PRH1: variants seen among roughly 807,000 people sequenced by gnomAD.
The protein encoded by PRH1 is proline rich protein HaeIII subfamily 1.
In PRH1, 7 loss-of-function variants were observed where a neutral mutation model predicts 7.9. The ratio of observed to expected loss-of-function variants is 0.89; its 90% CI spans 0.50 to 1.67. PRH1 has a LOEUF of 1.67. PRH1 is among the 40% of genes most tolerant of loss of function. The pLI, the probability that PRH1 is intolerant of heterozygous loss-of-function variation, is 0.00. For missense variants in PRH1, 109 were observed against 223.6 expected, an observed-to-expected ratio of 0.49 and a Z score of 3.27; for synonymous variants, 45 against 80.8, an observed-to-expected ratio of 0.56 and a Z score of 2.38.
rs558806762 is a variant in PRH1, at chr12:10,882,211, T to C, written c.*18+6A>G. ...GCCTTTGATGGATAATAAACTGGAA[T>C]CGTACCTGTCATTGAATCCTAGATT... On this transcript the variant is annotated splice_donor_region_variant and intron_variant, in intron 3 of 3. Transcript: ENST00000543626. 4 of 1,613,438 alleles carry C rather than the reference T, an allele frequency of 2.5e-6. No homozygotes were observed. Among genetic ancestry groups the C allele is most frequent in the Admixed American group, 3.3e-5 (2 of 59,992 alleles).
intron 1 of PRH1, among the ~76,000 whole-genome samples, chr12:11,075,661 G>T (rs1380135741): frequency 8.5e-6 from 1 of 117,000 alleles, no homozygotes; most frequent in African/African-American, 2.9e-5. Flanking sequence ...ATTCCACCTT[G>T]TCTCTACTTC....
intron 2 of PRH1, among the ~76,000 whole-genome samples, chr12:10,966,727 T>G (rs1938516813): frequency 6.6e-6 from 1 of 152,176 alleles, no homozygotes; most frequent in Admixed American, 6.5e-5. Context: ...AAACCAAGCG[T>G]GTGGGAAATA....
At chr12:11,122,654 C>G (rs1417035188) in intron 1 of PRH1, among the ~76,000 whole-genome samples, 1 of 152,408 alleles carries the variant, frequency 6.6e-6, no homozygotes, top group Non-Finnish European at 1.5e-5. Context: ...AAAGTTGCAA[C>G]TAAAATCAGA....
chr12:11,092,733 A>T (rs1264002096), intron 1 of PRH1, among the ~76,000 whole-genome samples: 1 of 115,920 alleles, frequency 8.6e-6, no homozygotes, highest in East Asian at 2.1e-4. Context: ...CACAAGATTC[A>T]GGAAGTATAG....
At chr12:11,094,305 A>AAAAAAAC (rs1945022236) in intron 1 of PRH1, among the ~76,000 whole-genome samples, 1 of 106,458 alleles carries the variant, frequency 9.4e-6, no homozygotes, top group East Asian at 2.2e-4. Flanking sequence ...CTGTCAAAAA[A>AAAAAAAC]AAAAAAAAAA....
intron 1 of PRH1, among the ~76,000 whole-genome samples, chr12:10,993,189 G>A (rs1940026619): frequency 6.6e-6 from 1 of 152,174 alleles, no homozygotes; most frequent in Non-Finnish European, 1.5e-5. Flanking sequence ...TTCTTTGTAT[G>A]AGGCGTTTGA....
chr12:11,041,697 G>T (rs910371267), intron 1 of PRH1, among the ~76,000 whole-genome samples: 20 of 152,108 alleles, frequency 1.3e-4, no homozygotes, highest in African/African-American at 4.8e-4. Context: ...TCAGCACATG[G>T]ATTTTTCTCA....
At chr12:11,106,653 A>T (rs1346338550) in intron 1 of PRH1, among the ~76,000 whole-genome samples, 1 of 152,208 alleles carries the variant, frequency 6.6e-6, no homozygotes, top group Non-Finnish European at 1.5e-5. Context: ...TTTAAGAGGA[A>T]TCGATGTTAA....
chr12:11,124,626 A>C (rs1220884277), intron 1 of PRH1, among the ~76,000 whole-genome samples: 10 of 151,456 alleles, frequency 6.6e-5, no homozygotes, highest in African/African-American at 2.2e-4. Flanking sequence ...CCACAATGAT[A>C]TCTCTTAGAA....
chr12:11,074,269 G>GC (rs375527425), intron 1 of PRH1, among the ~76,000 whole-genome samples: 59,357 of 114,604 alleles, frequency 0.52, 12,872 homozygotes, highest in Non-Finnish European at 0.61. Flanking sequence ...GATTAGTTTT[G>GC]GGGAAGGAGC....
chr12:10,897,185 T>A (rs1262887126), intron 2 of PRH1, among the ~76,000 whole-genome samples: 2 of 152,194 alleles, frequency 1.3e-5, no homozygotes, highest in East Asian at 3.9e-4. Context: ...ATGTCACACG[T>A]GGCTTTTTAA....
At chr12:10,923,990 G>GTTTTTTTTTTTTTTTTTTTTTTTTTT (rs35612831) in intron 2 of PRH1, among the ~76,000 whole-genome samples, 1 of 89,458 alleles carries the variant, frequency 1.1e-5, no homozygotes, top group African/African-American at 5.1e-5. Flanking sequence ...TTCTCCATCT[G>GTTTTTTTTTTTTTTTTTTTTTTTTTT]TTTTTTTTTT....
chr12:10,929,514 T>C (rs1950172050), intron 2 of PRH1, among the ~76,000 whole-genome samples: 1 of 152,132 alleles, frequency 6.6e-6, no homozygotes, highest in African/African-American at 2.4e-5. Context: ...CCTCATAATT[T>C]ATTGATTGCA....
At chr12:11,118,599 T>C (rs912316149), downstream of PRH1, among the ~76,000 whole-genome samples, 3 of 152,210 alleles carry the variant, frequency 2.0e-5, no homozygotes, top group African/African-American at 7.2e-5. Flanking sequence ...GAAGTAAGTG[T>C]ATCAAACAGG....
At chr12:10,930,846 C>G in intron 2 of PRH1, 1 of 1,613,598 alleles carries the variant, frequency 6.2e-7, no homozygotes, top group African/African-American at 1.3e-5. Flanking sequence ...AAGGACCACC[C>G]CAACAGGGAG....
At chr12:10,949,089 G>T (rs1313251049) in intron 2 of PRH1, among the ~76,000 whole-genome samples, 2 of 152,154 alleles carry the variant, frequency 1.3e-5, no homozygotes, top group Admixed American at 6.5e-5. Flanking sequence ...TTCCTGAGCT[G>T]CCAACTGCAG....
At chr12:11,000,448 T>C (rs1452757824) in intron 1 of PRH1, among the ~76,000 whole-genome samples, 1 of 152,168 alleles carries the variant, frequency 6.6e-6, no homozygotes. Context: ...AATCAGGTTG[T>C]CATTTAGAAA....
chr12:11,080,913 C>G lies in PRH1; in HGVS notation n.124-33725G>C, dbSNP rs1298479659. ...TCAGAATGCAGTTCTTTTCAACATA[C>G]TCTATCTTCAACCTCTAGCTACTTT... On this transcript the variant is annotated intron_variant and non_coding_transcript_variant, in intron 1 of 4. Coordinates refer to the PRH1 transcript ENST00000541977. Among the ~76,000 whole-genome samples the G allele has an allele frequency of 1.6e-5, 2 of 122,614 alleles. 1 individual carries two copies. Among genetic ancestry groups the G allele is most frequent in the Non-Finnish European group, 3.9e-5 (2 of 51,782 alleles). The allele number at this position is 122,614 out of a possible 152,430, so 80.4% of individuals were successfully genotyped here. A position where few individuals can be genotyped will look rare whatever the true frequency, so the allele number is the denominator to read the frequency against.
intron 1 of PRH1, among the ~76,000 whole-genome samples, chr12:10,992,150 G>A (rs191940990): frequency 1.3e-5 from 2 of 152,238 alleles, no homozygotes; most frequent in Admixed American, 1.3e-4. Flanking sequence ...ATGATTGAAG[G>A]AAAGCTTACA....
Sources: gnomAD v4.1 joint callset for allele counts (sites outside exome capture counted in the v4.1 genomes callset) on GRCh38, gnomAD v4.1.1 for gene constraint, MANE v1.5 for transcripts, NCBI Gene and HGNC (gene_info 2026-07-23, HGNC 2026-07-21) for gene names.